Variants in RASGRF1 observed in about 807,000 individuals in gnomAD.
RASGRF1 encodes the protein Ras protein specific guanine nucleotide releasing factor 1.
A neutral mutation model predicts 138.7 loss-of-function variants in RASGRF1; 40 were observed. That is an observed-to-expected ratio of 0.29 (90% CI 0.22 to 0.38). The LOEUF is 0.38. Among genes scored for constraint, RASGRF1 ranks in the 10% least tolerant of loss-of-function variants. The pLI, the probability that RASGRF1 is intolerant of heterozygous loss-of-function variation, is 1.00. For missense variants in RASGRF1, 1,108 were observed against 1,650.4 expected, an observed-to-expected ratio of 0.67 and a Z score of 5.69; for synonymous variants, 614 against 663.2, an observed-to-expected ratio of 0.93 and a Z score of 1.14.
chr15:79,072,702 T>C (rs2057778597), intron 1 of RASGRF1, among the ~76,000 whole-genome samples: 1 of 152,176 alleles, frequency 6.6e-6, no homozygotes, highest in African/African-American at 2.4e-5. Context: ...TGAGTCACCT[T>C]TGAAAGCTGA....
intron 22 of RASGRF1, among the ~76,000 whole-genome samples, chr15:78,989,405 C>T (rs1199406547): frequency 6.6e-6 from 1 of 152,074 alleles, no homozygotes; most frequent in Non-Finnish European, 1.5e-5. Context: ...TGATCCTAGC[C>T]AGGGAGATTC....
chr15:79,048,434 T>G (rs1396644872), intron 4 of RASGRF1, among the ~76,000 whole-genome samples: 1 of 152,226 alleles, frequency 6.6e-6, no homozygotes, highest in East Asian at 1.9e-4. Context: ...TACTTAGCTG[T>G]GTGACCTTGG....
In RASGRF1 at chr15:79,050,700, G is replaced by C. The variant is rs1401701790; in HGVS notation, c.532-1112C>G. 2.0e-5 allele frequency among the ~76,000 whole-genome samples: 3 copies of C among 152,192 alleles called. No homozygotes were observed. The highest frequency in any genetic ancestry group is 4.4e-5 in the Non-Finnish European group (3 of 68,036). On this transcript the variant is annotated intron_variant, in intron 3 of 26. Transcript: ENST00000558480. The surrounding 1 kb of genome is among the most constrained non-coding windows in gnomAD (Gnocchi z 4.1). ...AACCAAGGCATGGTGCCTAGGAGAAGGTACACCTTAAGCTGCACTGTGGCC... is the reference window on the plus strand; with the variant it reads ...AACCAAGGCATGGTGCCTAGGAGAACGTACACCTTAAGCTGCACTGTGGCC...
chr15:79,080,232 T>G (rs1296003509), intron 1 of RASGRF1, among the ~76,000 whole-genome samples: 1 of 152,256 alleles, frequency 6.6e-6, no homozygotes, highest in Non-Finnish European at 1.5e-5. Context: ...ATATTGGCTT[T>G]CCTCCTGAAA....
chr15:79,004,686 A>T (rs1237494974), intron 14 of RASGRF1: 1 of 985,852 alleles, frequency 1.0e-6, no homozygotes, highest in Admixed American at 6.1e-5. Context: ...ATGCAAACTT[A>T]GGGGGATGGG....
In RASGRF1 at chr15:79,006,205, T is replaced by G; in HGVS notation, c.2056A>C (p.Ile686Leu). 1 of 1,614,184 alleles carries G rather than the reference T, an allele frequency of 6.2e-7. No homozygotes were observed. The highest frequency in any genetic ancestry group is 8.5e-7 in the Non-Finnish European group (1 of 1,180,030). The change falls in exon 14 of 27, where the codon ATC becomes CTC. Residue 686 changes from isoleucine (I) to leucine (L), a missense_variant. Coordinates refer to ENST00000558480, the MANE Select transcript of RASGRF1 (RefSeq NM_001145648.3). This position sits in a 1 kb window ranked among gnomAD's most constrained non-coding sequence, Gnocchi z 4.0. ...DKLITIYKKP[I>L]SAIPARSLEL... ...AGCCACCTGGCAGGAATGGCACTGA[T>G]AGGCTTCTTGTAGATGGTAATGAGC... is the stretch of plus-strand genomic sequence containing the variant.
chr15:79,072,925 T>C (rs1405347851), intron 1 of RASGRF1, among the ~76,000 whole-genome samples: 3 of 152,176 alleles, frequency 2.0e-5, no homozygotes, highest in Non-Finnish European at 2.9e-5. Context: ...CGAGCCTCAG[T>C]GTGACCACAG....
intron 24 of RASGRF1, among the ~76,000 whole-genome samples, chr15:78,976,559 A>AAC (rs58602180): frequency 0.02 from 3,032 of 148,712 alleles, 35 homozygotes; most frequent in Middle Eastern, 0.035. Flanking sequence ...CACTCAATCA[A>AAC]ACACACACAC....
intron 1 of RASGRF1, among the ~76,000 whole-genome samples, chr15:79,068,963 A>G (rs2057717940): frequency 1.3e-5 from 2 of 152,012 alleles, no homozygotes; most frequent in South Asian, 4.2e-4. Context: ...CAGGGAAAAG[A>G]GTTTGCCTGG....
chr15:78,981,369 C>T (rs1479443104), intron 23 of RASGRF1: 3 of 152,164 alleles, frequency 2.0e-5, no homozygotes, highest in Admixed American at 6.5e-5. Context: ...CTGTGTAGCC[C>T]GAGGGAAGGC....
At chr15:79,069,794 T>C (rs977714810) in intron 1 of RASGRF1, among the ~76,000 whole-genome samples, 20 of 152,228 alleles carry the variant, frequency 1.3e-4, no homozygotes, top group Non-Finnish European at 1.5e-5. Context: ...GATCTTTGTC[T>C]GCCTTCCTCA....
chr15:79,009,053 G>A (rs1190247083), intron 13 of RASGRF1, among the ~76,000 whole-genome samples: 1 of 152,108 alleles, frequency 6.6e-6, no homozygotes, highest in Non-Finnish European at 1.5e-5. Context: ...CCCAAACCTT[G>A]ATGTGATTCT....
chr15:78,993,584 C>T (rs1238581665), intron 20 of RASGRF1, among the ~76,000 whole-genome samples: 1 of 152,004 alleles, frequency 6.6e-6, no homozygotes, highest in Non-Finnish European at 1.5e-5. Context: ...GCAGGGGATC[C>T]CCTGTGTGCT....
chr15:78,984,885 G>T (rs759687353), intron 23 of RASGRF1, 122 bp downstream of exon 23: 1 of 1,051,006 alleles, frequency 9.5e-7, no homozygotes, highest in Non-Finnish European at 1.4e-6. Context: ...TTACCTGGGA[G>T]TGTTAGACCT....
At chr15:78,986,351 C>CTT (rs111273337) in intron 22 of RASGRF1, among the ~76,000 whole-genome samples, 3 of 144,666 alleles carry the variant, frequency 2.1e-5, no homozygotes, top group Non-Finnish European at 3.0e-5. Context: ...TTCTAAGACT[C>CTT]TTTTTTTTTT....
chr15:79,090,202 A>G (rs779116112), intron 1 of RASGRF1, 21 bp downstream of exon 1: 3 of 1,581,128 alleles, frequency 1.9e-6, no homozygotes, highest in Admixed American at 1.7e-5. Context: ...CAGGGAGGTC[A>G]GGACGCGACG....
intron 2 of RASGRF1, among the ~76,000 whole-genome samples, chr15:79,058,807 A>C (rs1173731108): frequency 1.3e-5 from 2 of 152,254 alleles, no homozygotes; most frequent in Non-Finnish European, 2.9e-5. Flanking sequence ...TATCCTATTA[A>C]AGTATAATAA....
intron 19 of RASGRF1, 120 bp from the exon 20 acceptor site, chr15:78,995,920 C>T: frequency 4.5e-6 from 4 of 886,152 alleles, no homozygotes; most frequent in Non-Finnish European, 3.6e-6. Flanking sequence ...ATCCCCATTG[C>T]CAGGAGCACC....
chr15:78,973,456 T>C lies in RASGRF1; in HGVS notation c.3495-36A>G. ...AACGGCATTAACACAAGTTTTTCAT[T>C]TTAAAAAAGTAACGTCTACCAAGAA... On this transcript the variant is annotated intron_variant, in intron 24 of 26. Coordinates refer to ENST00000558480, the MANE Select transcript of RASGRF1 (RefSeq NM_001145648.3). This position sits in a 1 kb window ranked among gnomAD's most constrained non-coding sequence, Gnocchi z 4.9. The C allele has an allele frequency of 6.8e-7, 1 of 1,473,800 alleles. No homozygotes were observed. Among genetic ancestry groups the C allele is most frequent in the Non-Finnish European group, 9.4e-7 (1 of 1,062,306 alleles). 91.3% of individuals were successfully genotyped at this position (1,473,800 alleles called of 1,614,324 possible).
Sources: allele counts gnomAD v4.1 joint callset (sites outside exome capture counted in the v4.1 genomes callset), GRCh38; gene constraint gnomAD v4.1.1; non-coding constraint Gnocchi (gnomAD v3.1); transcripts MANE v1.5; gene names NCBI Gene and HGNC (gene_info 2026-07-23, HGNC 2026-07-21).